Variants in NSUN2 observed in about 807,000 individuals in gnomAD.
NSUN2 encodes the protein NOP2/Sun RNA methyltransferase 2, also known as RNA cytosine C(5)-methyltransferase NSUN2.
Under a neutral mutation model 92.7 loss-of-function variants are expected in NSUN2, and 63 were observed. The ratio of observed to expected loss-of-function variants is 0.68; its 90% CI spans 0.56 to 0.84. The LOEUF (loss-of-function observed/expected upper bound fraction) is 0.84, where lower values mean the gene tolerates loss of function less well. Among genes scored for constraint, NSUN2 ranks in the 40% least tolerant of loss-of-function variants. NSUN2 has a pLI of 0.00. For synonymous variants in NSUN2, 356 were observed against 348.3 expected, an observed-to-expected ratio of 1.02 and a Z score of -0.25; for missense variants, 989 against 964.9, an observed-to-expected ratio of 1.02 and a Z score of -0.33.
In NSUN2 at chr5:6,613,989, C is replaced by T. The variant is rs1316994125; in HGVS notation, c.1022-2191G>A. Among the ~76,000 whole-genome samples, 5 of 149,866 alleles carry T rather than the reference C, an allele frequency of 3.3e-5. No individual in the cohort carries two copies. In the South Asian group the frequency reaches 1.1e-3, roughly 32 times the overall value. On this transcript the variant is annotated intron_variant, in intron 9 of 18. Transcript: ENST00000264670. ...GCACATGCCTGTAGTCCCAGCTACTCGGGAGGCTGAGGCAGGAGAATCACT... is the reference window on the plus strand; with the variant it reads ...GCACATGCCTGTAGTCCCAGCTACTTGGGAGGCTGAGGCAGGAGAATCACT...
At chr5:6,627,172 G>C (rs1174462614) in intron 3 of NSUN2, among the ~76,000 whole-genome samples, 1 of 152,116 alleles carries the variant, frequency 6.6e-6, no homozygotes, top group Non-Finnish European at 1.5e-5. Flanking sequence ...AAAGCCAAAA[G>C]AAAATCATAT....
chr5:6,626,698 T>C (rs1737671624), intron 3 of NSUN2, among the ~76,000 whole-genome samples: 1 of 152,184 alleles, frequency 6.6e-6, no homozygotes, highest in East Asian at 1.9e-4. Flanking sequence ...ATCTGCACCG[T>C]ACAAATGAGC....
intron 7 of NSUN2, among the ~76,000 whole-genome samples, chr5:6,618,795 T>C (rs1014280196): frequency 6.6e-6 from 1 of 152,258 alleles, no homozygotes; most frequent in Non-Finnish European, 1.5e-5. Context: ...GATTTGTTAC[T>C]TTCTGTGTCT....
In NSUN2 at chr5:6,609,936, T is replaced by C. The variant is rs1736920526; in HGVS notation, c.1227-14A>G. On this transcript the variant is annotated splice_polypyrimidine_tract_variant and intron_variant, in intron 11 of 18. Coordinates refer to ENST00000264670, the MANE Select transcript of NSUN2 (RefSeq NM_017755.6). ...AATATCCTAAGGCTAAATATATATATATAATTCACACCTCTGAACTAATCA... is the reference window on the plus strand; with the variant it reads ...AATATCCTAAGGCTAAATATATATACATAATTCACACCTCTGAACTAATCA... The C allele has an allele frequency of 6.5e-7, 1 of 1,532,052 alleles. No individual in the cohort carries two copies. Among genetic ancestry groups the C allele is most frequent in the African/African-American group, 1.4e-5 (1 of 72,738 alleles). 94.9% of individuals were successfully genotyped at this position (1,532,052 alleles called of 1,614,324 possible). A position where few individuals can be genotyped will look rare whatever the true frequency, so the allele number is the denominator to read the frequency against.
At chr5:6,625,062 G>A (rs997408702) in intron 4 of NSUN2, among the ~76,000 whole-genome samples, 5 of 151,432 alleles carry the variant, frequency 3.3e-5, no homozygotes, top group Non-Finnish European at 5.9e-5. Context: ...GTTTTGTGGT[G>A]CTTAGGTGTT....
intron 13 of NSUN2, 63 bp downstream of exon 13, chr5:6,607,137 T>G: frequency 6.5e-7 from 1 of 1,546,526 alleles, no homozygotes; most frequent in Non-Finnish European, 8.9e-7. Flanking sequence ...TGGGATCCCA[T>G]TTAATCCAAA....
rs1420593076 is a variant in NSUN2, at chr5:6,614,098, A to G, written c.1022-2300T>C. Among the ~76,000 whole-genome samples the G allele has an allele frequency of 6.8e-5, 4 of 59,202 alleles. No individual in the cohort carries two copies. In the East Asian group the frequency reaches 1.5e-3, roughly 23 times the overall value. The allele number at this position is 59,202 out of a possible 152,430, so 38.8% of individuals were successfully genotyped here. A position where few individuals can be genotyped will look rare whatever the true frequency, so the allele number is the denominator to read the frequency against. On this transcript the variant is annotated intron_variant, in intron 9 of 18. Transcript: ENST00000264670. ...GCAACAGAGCGAGACTGTCTCGGAA[A>G]AAAAAAAAAAAAAAAAAAAAAAAAC...
At chr5:6,614,593 G>A (rs1737137927) in intron 9 of NSUN2, among the ~76,000 whole-genome samples, 2 of 152,112 alleles carry the variant, frequency 1.3e-5, no homozygotes, top group Admixed American at 6.5e-5. Context: ...CTAGAACTTG[G>A]ATTCAACCTG....
intron 2 of NSUN2, among the ~76,000 whole-genome samples, 200 bp downstream of exon 2, chr5:6,632,399 C>T (rs1737955169): frequency 6.6e-6 from 1 of 152,134 alleles, no homozygotes; most frequent in Non-Finnish European, 1.5e-5. Flanking sequence ...ATTTTCATTT[C>T]GTCTTCTAAC....
rs149364662 is a variant in NSUN2, at chr5:6,609,770, T to C, written c.1323+56A>G. ...ACTTCTACTAAACTCCGGTTAGTTTTTGTCTTAAATGTACAAGATCAAATG... is the reference window on the plus strand; with the variant it reads ...ACTTCTACTAAACTCCGGTTAGTTTCTGTCTTAAATGTACAAGATCAAATG... On this transcript the variant is annotated intron_variant, in intron 12 of 18. Transcript: ENST00000264670. 22 of 1,408,606 alleles carry C rather than the reference T, an allele frequency of 1.6e-5. No homozygotes were observed. In the East Asian group the frequency reaches 5.0e-4, roughly 32 times the overall value. The allele number at this position is 1,408,606 out of a possible 1,614,324, so 87.3% of individuals were successfully genotyped here. A position where few individuals can be genotyped will look rare whatever the true frequency, so the allele number is the denominator to read the frequency against.
chr5:6,615,612 A>G (rs1166075139), intron 9 of NSUN2, among the ~76,000 whole-genome samples: 1 of 76,670 alleles, frequency 1.3e-5, no homozygotes, highest in African/African-American at 5.5e-5. Flanking sequence ...AAGGACCGTG[A>G]AGGCCATCAA....
At chr5:6,611,373 C>G (rs191237379) in intron 10 of NSUN2, among the ~76,000 whole-genome samples, 3 of 146,834 alleles carry the variant, frequency 2.0e-5, no homozygotes, top group East Asian at 4.0e-4. Context: ...TTTAAACAAG[C>G]CTCAGGCTGT....
At chr5:6,606,126 T>C (rs913403073) in intron 14 of NSUN2, among the ~76,000 whole-genome samples, 6 of 152,222 alleles carry the variant, frequency 3.9e-5, no homozygotes, top group African/African-American at 1.4e-4. Context: ...TTTTCCTCTA[T>C]ATTCTGTCTA....
chr5:6,614,439 G>A (rs1193485323), intron 9 of NSUN2, among the ~76,000 whole-genome samples: 3 of 152,120 alleles, frequency 2.0e-5, no homozygotes, highest in African/African-American at 7.2e-5. Context: ...CCCCGTGCCT[G>A]GGTCACGCTT....
At position 6,607,068 on chromosome 5, in the gene NSUN2, A is replaced by G. The variant is rs998980947; in HGVS notation, c.1508+132T>C. On this transcript the variant is annotated intron_variant, in intron 13 of 18. Coordinates refer to ENST00000264670, the MANE Select transcript of NSUN2 (RefSeq NM_017755.6). Reference sequence around the variant, plus strand: ...GGCTTCCACAGAGTCCAGCCCTCACACTGCATGTGCCTGATACCACACATG... The same window carrying G: ...GGCTTCCACAGAGTCCAGCCCTCACGCTGCATGTGCCTGATACCACACATG... The G allele has an allele frequency of 8.8e-6, 9 of 1,025,076 alleles. No homozygotes were observed. The Admixed American group carries it at 1.3e-4, about 15-fold the overall frequency. The allele number at this position is 1,025,076 out of a possible 1,614,324, so 63.5% of individuals were successfully genotyped here. A position where few individuals can be genotyped will look rare whatever the true frequency, so the allele number is the denominator to read the frequency against.
rs1310172090 is a variant in NSUN2, at chr5:6,600,021, T to C, written c.2209A>G (p.Arg737Gly). 3 of 1,614,250 alleles carry C rather than the reference T, an allele frequency of 1.9e-6. No homozygotes were observed. The South Asian group carries it at 3.3e-5, about 18-fold the overall frequency. Residue 737 changes from arginine to glycine, a missense_variant, in exon 19 of 19, where the codon AGA (arginine) becomes GGA (glycine). Physicochemically the swap from Arg to Gly is moderately radical, Grantham distance 125 (BLOSUM62 -2). This residue lies in a region of NSUN2 where 626 missense variants were observed against 602.3 expected (regional missense o/e 1.04). Transcript: ENST00000264670. ...TCTGGGCTGTTGGGCTCTCCTGCTC[T>C]CTGTCCCTCAGTCACGTCATTGTCT... ...QPDNDVTEGQ[R>G]AGEPNSPDAE...
intron 3 of NSUN2, among the ~76,000 whole-genome samples, chr5:6,626,587 G>A (rs1237182613): frequency 7.9e-5 from 12 of 152,130 alleles, no homozygotes; most frequent in Admixed American, 6.5e-5. Flanking sequence ...GGCCTCGAGT[G>A]ATCCGGCCGC....
intron 17 of NSUN2, 30 bp from the exon 18 acceptor site, chr5:6,602,530 G>A (rs759665119): frequency 4.3e-6 from 7 of 1,612,728 alleles, no homozygotes; most frequent in Non-Finnish European, 5.9e-6. Flanking sequence ...ACATTTGCCA[G>A]GTTTTCCAGG....
intron 6 of NSUN2, chr5:6,621,534 G>A (rs1445892416): frequency 6.6e-6 from 1 of 152,334 alleles, no homozygotes; most frequent in African/African-American, 2.4e-5. Flanking sequence ...GGATCACGAG[G>A]TCAGGAGATC....
Sources: gnomAD v4.1 joint callset for allele counts (sites outside exome capture counted in the v4.1 genomes callset) on GRCh38, gnomAD v4.1.1 for gene constraint, gnomAD v4.1.1 regional missense constraint, MANE v1.5 for transcripts, NCBI Gene and HGNC (gene_info 2026-07-23, HGNC 2026-07-21) for gene names.